Variants in FMO5 observed in about 807,000 individuals in gnomAD.
FMO5 encodes the protein flavin-containing monooxygenase 5.
A neutral mutation model predicts 43.6 loss-of-function variants in FMO5; 51 were observed. The observed-to-expected ratio is 1.17, with a 90% CI of 0.93 to 1.48. The LOEUF (loss-of-function observed/expected upper bound fraction) is 1.48. Ranked by LOEUF, FMO5 falls within the 40% of genes most tolerant of loss-of-function variation. The pLI is 0.00. For synonymous variants in FMO5, 187 were observed against 216.5 expected (o/e 0.86, Z 1.20); for missense variants, 644 against 643.0 (o/e 1.00, Z -0.02).
At chr1:147,202,997 T>A (rs935512735) in intron 6 of FMO5, among the ~76,000 whole-genome samples, 47 of 152,162 alleles carry the variant, frequency 3.1e-4, no homozygotes, top group African/African-American at 1.0e-3. Context: ...TCCCACACCA[T>A]TTTCAAAATG....
rs1013597758 is a variant in FMO5, at chr1:147,186,367, G to A, written c.*533C>T. On this transcript the variant is annotated 3_prime_UTR_variant, in exon 9 of 9. Coordinates refer to ENST00000254090, the MANE Select transcript of FMO5 (RefSeq NM_001461.4). The stretch of plus-strand genomic sequence containing the variant: ...TAGTGAATAGCAAGTGAAACAAAAT[G>A]TCTTAAGCATCTATATGTCTTATCT... 1 of 940,132 alleles carries A rather than the reference G, an allele frequency of 1.1e-6. No individual in the cohort carries two copies. The highest frequency in any genetic ancestry group is 1.8e-5 in the African/African-American group (1 of 56,234). 58.2% of individuals were successfully genotyped at this position (940,132 alleles called of 1,614,324 possible). A position where few individuals can be genotyped will look rare whatever the true frequency, so the allele number is the denominator to read the frequency against.
At chr1:147,201,607 T>C in intron 6 of FMO5, 103 bp from the exon 7 acceptor site, 2 of 782,394 alleles carry the variant, frequency 2.6e-6, no homozygotes, top group Non-Finnish European at 2.1e-6. Flanking sequence ...ATGCCAATAA[T>C]CTTCCCCTTG....
At chr1:147,214,553 G>C (rs1661656274) in intron 3 of FMO5, among the ~76,000 whole-genome samples, 1 of 151,680 alleles carries the variant, frequency 6.6e-6, no homozygotes, top group Non-Finnish European at 1.5e-5. Flanking sequence ...TTTTACACAG[G>C]CTGGTGCCTC....
chr1:147,213,204 A>T, intron 4 of FMO5, 104 bp downstream of exon 4: 1 of 917,350 alleles, frequency 1.1e-6, no homozygotes, highest in Non-Finnish European at 1.6e-6. Flanking sequence ...GATAAGTCTT[A>T]CTTCATTCCA....
At chr1:147,185,259 A>G (rs1212039019), downstream of FMO5, among the ~76,000 whole-genome samples, 1 of 152,060 alleles carries the variant, frequency 6.6e-6, no homozygotes, top group Non-Finnish European at 1.5e-5. Flanking sequence ...TAAAAAAGAA[A>G]CTGGTGTACT....
At chr1:147,203,969 C>T (rs1316182186) in intron 6 of FMO5, 31 of 1,226,508 alleles carry the variant, frequency 2.5e-5, no homozygotes, top group Admixed American at 1.2e-4. Flanking sequence ...ACAGAGTCTT[C>T]GGACATCCCA....
Position 147,201,430 on chromosome 1 carries a change from CCT to C in FMO5, c.903_904del (p.Gly302LysfsTer13), listed in dbSNP as rs782139781. The C allele has an allele frequency of 2.5e-6, 4 of 1,614,162 alleles. No individual in the cohort carries two copies. The highest frequency in any genetic ancestry group is 3.4e-6 in the Non-Finnish European group (4 of 1,180,028). ...TGTCTCCGTGAATTCCTTCACATTT[CCT>C]TTCACTTTCACCAAGCCAGAAATGA... On this transcript the variant is annotated frameshift_variant, in exon 7 of 9. Transcript: ENST00000254090. LOFTEE classifies it high-confidence loss of function.
At chr1:147,218,905 C>A (rs1571402011) in intron 2 of FMO5, among the ~76,000 whole-genome samples, 1 of 152,264 alleles carries the variant, frequency 6.6e-6, no homozygotes, top group East Asian at 1.9e-4. Flanking sequence ...GAATTAGATT[C>A]CGCTATTCAT....
At chr1:147,192,256 T>G (rs1223662682) in intron 7 of FMO5, among the ~76,000 whole-genome samples, 1 of 152,106 alleles carries the variant, frequency 6.6e-6, no homozygotes, top group African/African-American at 2.4e-5. Flanking sequence ...CCTAGGTATT[T>G]TATTCTCTTT....
intron 6 of FMO5, chr1:147,203,418 G>GT (rs782699152): frequency 3.3e-5 from 29 of 889,418 alleles, no homozygotes; most frequent in Non-Finnish European, 5.6e-5. Context: ...GTTTTCCCAG[G>GT]TAAGTATCTA....
chr1:147,188,767 A>G (rs1010230945), intron 8 of FMO5, among the ~76,000 whole-genome samples: 1 of 151,618 alleles, frequency 6.6e-6, no homozygotes, highest in Admixed American at 6.6e-5. Context: ...AGAAGTTAAA[A>G]AAAAAAAAGG....
At chr1:147,188,298 G>A (rs911502288) in intron 8 of FMO5, among the ~76,000 whole-genome samples, 3 of 151,958 alleles carry the variant, frequency 2.0e-5, no homozygotes, top group Middle Eastern at 3.4e-3. Context: ...CGAGGCAGGC[G>A]GATCACTTTG....
At chr1:147,215,107 A>T (rs1188025516) in intron 3 of FMO5, 2 of 152,182 alleles carry the variant, frequency 1.3e-5, no homozygotes, top group Non-Finnish European at 2.9e-5. Flanking sequence ...AAAGTCCTAG[A>T]ATACTTTAGA....
At chr1:147,200,366 G>A (rs894470) in intron 7 of FMO5, among the ~76,000 whole-genome samples, 8,480 of 152,008 alleles carry the variant, frequency 0.056, 263 homozygotes, top group African/African-American at 0.092. Flanking sequence ...GGCTTTTTCA[G>A]TTGTACTTCA....
intron 5 of FMO5, chr1:147,211,673 A>C (rs879963935): frequency 3.3e-5 from 5 of 152,254 alleles, no homozygotes; most frequent in African/African-American, 9.6e-5. Flanking sequence ...AACAAAATAC[A>C]ATATTGGCAT....
chr1:147,203,603 G>A (rs970733628), intron 6 of FMO5: 10 of 1,144,784 alleles, frequency 8.7e-6, no homozygotes, highest in Middle Eastern at 4.3e-4. Context: ...AGCTTCAAAC[G>A]CCTCAGCAAA....
At chr1:147,219,334 GA>G (rs1662583912) in intron 2 of FMO5, among the ~76,000 whole-genome samples, 1 of 151,916 alleles carries the variant, frequency 6.6e-6, no homozygotes, top group Admixed American at 6.6e-5. Flanking sequence ...ATTTGAAATA[GA>G]AAAAAATGTG....
chr1:147,196,459 A>G (rs1260687987), intron 7 of FMO5, among the ~76,000 whole-genome samples: 1 of 151,952 alleles, frequency 6.6e-6, no homozygotes, highest in Non-Finnish European at 1.5e-5. Flanking sequence ...ATATTTCTTG[A>G]TTGTGGGAGA....
Position 147,186,521 on chromosome 1 carries a change from C to A in FMO5, c.*379G>T, listed in dbSNP as rs1247250458. The A allele has an allele frequency of 6.0e-6, 6 of 996,536 alleles. No homozygotes were observed. The highest frequency in any genetic ancestry group is 6.0e-6 in the Non-Finnish European group (5 of 837,576). 61.7% of individuals were successfully genotyped at this position (996,536 alleles called of 1,614,324 possible). A position where few individuals can be genotyped will look rare whatever the true frequency, so the allele number is the denominator to read the frequency against. On this transcript the variant is annotated 3_prime_UTR_variant, in exon 9 of 9. Coordinates refer to ENST00000254090, the MANE Select transcript of FMO5 (RefSeq NM_001461.4). ...TCAAACCCTATCAGAAGAAGAGTTACGTGGAGTAAGCGATTTTATACCGAT... is the reference window on the plus strand; with the variant it reads ...TCAAACCCTATCAGAAGAAGAGTTAAGTGGAGTAAGCGATTTTATACCGAT...
Sources: allele counts gnomAD v4.1 joint callset (sites outside exome capture counted in the v4.1 genomes callset), GRCh38; gene constraint gnomAD v4.1.1; transcripts MANE v1.5; gene names NCBI Gene and HGNC (gene_info 2026-07-23, HGNC 2026-07-21).